The following VWA8 variants were observed in gnomAD, a reference collection of about 807,000 sequenced individuals.
VWA8 encodes von Willebrand factor A domain-containing protein 8.
Under a neutral mutation model 241.5 loss-of-function variants are expected in VWA8, and 221 were observed. That is an observed-to-expected ratio of 0.91 (90% CI 0.82 to 1.02). The LOEUF (loss-of-function observed/expected upper bound fraction) is 1.02, where lower values mean the gene tolerates loss of function less well. VWA8 is among the 50% of genes least tolerant of loss of function. VWA8 has a pLI of 0.00. For synonymous variants in VWA8, 852 were observed against 827.1 expected, an observed-to-expected ratio of 1.03 and a Z score of -0.52; for missense variants, 2,322 against 2,328.7, an observed-to-expected ratio of 1.00 and a Z score of 0.06.
chr13:41,708,469 T>G (rs567297081), intron 26 of VWA8, among the ~76,000 whole-genome samples: 15 of 152,342 alleles, frequency 9.8e-5, no homozygotes, highest in African/African-American at 3.6e-4. Context: ...ATACCATTAT[T>G]AATTCCCAGT....
intron 2 of VWA8, among the ~76,000 whole-genome samples, chr13:41,919,517 T>C (rs1876413115): frequency 6.6e-6 from 1 of 152,038 alleles, no homozygotes; most frequent in Non-Finnish European, 1.5e-5. Flanking sequence ...TGGGTAGTCA[T>C]TGCACCCCTC....
At chr13:41,628,049 A>C (rs1408959069) in intron 37 of VWA8, among the ~76,000 whole-genome samples, 1 of 151,738 alleles carries the variant, frequency 6.6e-6, no homozygotes, top group East Asian at 1.9e-4. Context: ...CTTGATTTAC[A>C]TAGGGTGTAC....
chr13:41,575,077 A>G (rs184061682), intron 43 of VWA8, among the ~76,000 whole-genome samples: 2 of 152,342 alleles, frequency 1.3e-5, no homozygotes, highest in East Asian at 1.9e-4. Flanking sequence ...AATACTACTC[A>G]GCCATAAAAC....
intron 9 of VWA8, among the ~76,000 whole-genome samples, chr13:41,875,484 C>T (rs1873853302): frequency 6.6e-6 from 1 of 152,012 alleles, no homozygotes; most frequent in Non-Finnish European, 1.5e-5. Context: ...CATCAAACTT[C>T]ATTGATACAT....
Position 41,868,685 on chromosome 13 carries a change from A to C in VWA8, c.1081-208T>G, listed in dbSNP as rs182186179. ...CGGATCAGAGGGTCAGGAGATCGAG[A>C]CCATCCTGGCTAACACGGTGAAACC... On this transcript the variant is annotated intron_variant, in intron 9 of 44. Coordinates refer to ENST00000379310, the MANE Select transcript of VWA8 (RefSeq NM_015058.2). Among the ~76,000 whole-genome samples, 324 of 152,140 alleles carry C rather than the reference A, an allele frequency of 2.1e-3. 6 individuals carry two copies. Among genetic ancestry groups the C allele is most frequent in the Admixed American group, 2.5e-3 (38 of 15,282 alleles).
chr13:41,891,578 G>A lies in VWA8; in HGVS notation c.493C>T (p.Arg165Cys), dbSNP rs1034651553. ...AGAGTTCTGCCTTCTGTGGCTGCAC[G>A]AACTGCACACTATTTCCAAGAAACG... Reference protein sequence around the residue: ...TAFYIDQCAVRAATEGRTLIL... With the variant: ...TAFYIDQCAVCAATEGRTLIL... The change falls in exon 5 of 45, where the codon CGT becomes TGT. Residue 165 changes from arginine (R) to cysteine (C), a missense_variant. Physicochemically the swap from Arg to Cys is radical, Grantham distance 180. Coordinates refer to ENST00000379310, the MANE Select transcript of VWA8 (RefSeq NM_015058.2). 4.3e-6 allele frequency: 7 copies of A among 1,613,964 alleles called. No homozygotes were observed. Among genetic ancestry groups the A allele is most frequent in the Admixed American group, 3.3e-5 (2 of 60,012 alleles).
chr13:41,937,721 A>T (rs1877416201), intron 2 of VWA8, among the ~76,000 whole-genome samples: 1 of 152,214 alleles, frequency 6.6e-6, no homozygotes, highest in African/African-American at 2.4e-5. Context: ...TTAATGATGC[A>T]TTTCTCAGAA....
intron 37 of VWA8, among the ~76,000 whole-genome samples, chr13:41,634,940 A>G (rs1703835847): frequency 6.6e-6 from 1 of 152,174 alleles, no homozygotes; most frequent in Non-Finnish European, 1.5e-5. Context: ...GATGTCATGG[A>G]AGAAACATTT....
At chr13:41,776,177 GC>G (rs1356147610) in intron 20 of VWA8, among the ~76,000 whole-genome samples, 2 of 152,148 alleles carry the variant, frequency 1.3e-5, no homozygotes, top group Admixed American at 1.3e-4. Flanking sequence ...TCTTCTCCAT[GC>G]TGGTCTGCCG....
chr13:41,852,300 T>C (rs1872558774), intron 12 of VWA8, among the ~76,000 whole-genome samples: 1 of 152,200 alleles, frequency 6.6e-6, no homozygotes, highest in Non-Finnish European at 1.5e-5. Context: ...GGTTGTTTTA[T>C]TGCTACTAAG....
intron 2 of VWA8, among the ~76,000 whole-genome samples, chr13:41,937,150 T>A (rs2138147519): frequency 6.6e-6 from 1 of 152,326 alleles, no homozygotes; most frequent in South Asian, 2.1e-4. Context: ...TTTAGTAGGC[T>A]ATACCAGCAG....
At chr13:41,629,946 C>T (rs2139673621) in intron 37 of VWA8, among the ~76,000 whole-genome samples, 2 of 152,308 alleles carry the variant, frequency 1.3e-5, no homozygotes, top group South Asian at 2.1e-4. Context: ...AAGCATCTGA[C>T]TTTTGGTCAC....
At chr13:41,947,903 G>A (rs1261617420) in intron 2 of VWA8, among the ~76,000 whole-genome samples, 1 of 117,322 alleles carries the variant, frequency 8.5e-6, no homozygotes, top group Non-Finnish European at 1.6e-5. Flanking sequence ...CTGCACCCCA[G>A]CCTGGGCCAC....
At chr13:41,930,672 G>A (rs1489419161) in intron 2 of VWA8, among the ~76,000 whole-genome samples, 1 of 152,068 alleles carries the variant, frequency 6.6e-6, no homozygotes, top group Non-Finnish European at 1.5e-5. Context: ...GCATCCCCAA[G>A]GGAAAAACAG....
intron 2 of VWA8, chr13:41,927,169 G>A: frequency 2.3e-6 from 1 of 438,466 alleles, no homozygotes; most frequent in Non-Finnish European, 4.6e-6. Context: ...TTTCACAGAT[G>A]AAAACTTCTG....
At chr13:41,660,300 G>C (rs1178751307) in intron 37 of VWA8, among the ~76,000 whole-genome samples, 3 of 152,108 alleles carry the variant, frequency 2.0e-5, no homozygotes, top group African/African-American at 7.2e-5. Flanking sequence ...ATTTTTAGTA[G>C]AGATGGGGTT....
intron 38 of VWA8, 100 bp downstream of exon 38, chr13:41,614,876 G>T: frequency 8.5e-7 from 1 of 1,181,074 alleles, no homozygotes; most frequent in Non-Finnish European, 1.2e-6. Context: ...AGGCTGAGAA[G>T]GAAAGCCCGT....
chr13:41,899,611 T>C (rs1284029239), intron 4 of VWA8, among the ~76,000 whole-genome samples: 1 of 152,202 alleles, frequency 6.6e-6, no homozygotes, highest in Non-Finnish European at 1.5e-5. Context: ...TCCTGGTTCT[T>C]CCTTAAAATA....
chr13:41,770,719 T>A (rs922486877), intron 20 of VWA8, among the ~76,000 whole-genome samples: 1 of 151,996 alleles, frequency 6.6e-6, no homozygotes, highest in East Asian at 1.9e-4. Flanking sequence ...AAATCAGGGA[T>A]AGAGAAGGCA....
Sources: allele counts gnomAD v4.1 joint callset (sites outside exome capture counted in the v4.1 genomes callset), GRCh38; gene constraint gnomAD v4.1.1; transcripts MANE v1.5; gene names NCBI Gene and HGNC (gene_info 2026-07-23, HGNC 2026-07-21).